RMND5B: variants seen among roughly 807,000 people sequenced by gnomAD.
The protein encoded by RMND5B is required for meiotic nuclear division 5 homolog B, also known as E3 ubiquitin-protein transferase RMND5B.
RMND5B carries 42 observed loss-of-function variants against 50.4 expected under a neutral mutation model. The observed-to-expected ratio is 0.83, with a 90% CI of 0.65 to 1.08. RMND5B has a LOEUF of 1.08. Ranked by LOEUF, RMND5B falls within the 50% of genes least tolerant of loss-of-function variation. The pLI, the probability that RMND5B is intolerant of heterozygous loss-of-function variation, is 0.00. For synonymous variants in RMND5B, 220 were observed against 210.0 expected (o/e 1.05, Z -0.41); for missense variants, 463 against 508.5 (o/e 0.91, Z 0.86).
intron 8 of RMND5B, 94 bp downstream of exon 8, chr5:178,146,373 G>A (rs1198110329): frequency 2.2e-5 from 27 of 1,229,824 alleles, no homozygotes; most frequent in East Asian, 4.9e-5. Flanking sequence ...AACAGTGCTC[G>A]GTGCTTTCAG....
At chr5:178,135,651 G>A (rs975487996) in intron 2 of RMND5B, among the ~76,000 whole-genome samples, 28 of 152,234 alleles carry the variant, frequency 1.8e-4, no homozygotes, top group African/African-American at 5.1e-4. Flanking sequence ...ATGCAATCCC[G>A]TACCCATCTC....
chr5:178,148,326 C>G lies in RMND5B; in HGVS notation c.*294C>G. The G allele has an allele frequency of 2.1e-6, 1 of 470,138 alleles. No individual in the cohort carries two copies. The highest frequency in any genetic ancestry group is 3.9e-6 in the Non-Finnish European group (1 of 255,306). The allele number at this position is 470,138 out of a possible 1,614,324, so 29.1% of individuals were successfully genotyped here. On this transcript the variant is annotated 3_prime_UTR_variant, in exon 11 of 11. Transcript: ENST00000313386. ...GACTTAGTAGCAACCGACAGAGTGG[C>G]AAGGGATTTGGTCTTCAGCAGTAGA...
intron 8 of RMND5B, 101 bp from the exon 9 acceptor site, chr5:178,147,432 T>G: frequency 1.2e-6 from 1 of 834,840 alleles, no homozygotes; most frequent in Admixed American, 2.4e-5. Context: ...TGCACCATTT[T>G]AGAGCCCTGT....
intron 3 of RMND5B, among the ~76,000 whole-genome samples, chr5:178,140,753 C>G (rs1025778480): frequency 1.3e-5 from 2 of 151,656 alleles, no homozygotes; most frequent in Admixed American, 6.6e-5. Flanking sequence ...TCGCTTGAAC[C>G]CAGGAGGTGG....
At chr5:178,145,904 A>G in intron 7 of RMND5B, 1 of 556,456 alleles carries the variant, frequency 1.8e-6, no homozygotes. Context: ...GCCTGTTCTC[A>G]TCCTGCAGAA....
intron 5 of RMND5B, 22 bp from the exon 6 acceptor site, chr5:178,143,605 T>C (rs1257250823): frequency 1.3e-6 from 2 of 1,560,654 alleles, no homozygotes; most frequent in East Asian, 4.5e-5. Context: ...AGTGGTGGGA[T>C]CTCTTCTCTC....
rs566022032 is a variant in RMND5B, at chr5:178,137,671, C to A, written c.-12-437C>A. On this transcript the variant is annotated intron_variant, in intron 2 of 10. Coordinates refer to ENST00000313386, the MANE Select transcript of RMND5B (RefSeq NM_022762.5). This position sits in a 1 kb window ranked among gnomAD's most constrained non-coding sequence, Gnocchi z 4.4. ...TGCCACTGCACTCTAGCCAGGGCAA[C>A]AGAACAAGAGCCTGTCTCAAAAAAA... Among the ~76,000 whole-genome samples, 205 of 152,182 alleles carry A rather than the reference C, an allele frequency of 1.3e-3. No individual in the cohort carries two copies. Among genetic ancestry groups the A allele is most frequent in the African/African-American group, 4.7e-3 (197 of 41,508 alleles).
Position 178,150,227 on chromosome 5 carries a change from C to G in RMND5B, c.*2195C>G. 4.6e-6 allele frequency: 1 copy of G among 219,320 alleles called. No individual in the cohort carries two copies. Among genetic ancestry groups the G allele is most frequent in the Admixed American group, 5.2e-5 (1 of 19,122 alleles). The allele number at this position is 219,320 out of a possible 1,614,324, so 13.6% of individuals were successfully genotyped here. On this transcript the variant is annotated 3_prime_UTR_variant, in exon 11 of 11. Transcript: ENST00000313386. ...GTGAAGCATCTTAGCTTACAAAGCT[C>G]TTTCACATACATCTATCTCTTTATT...
chr5:178,147,872 T>C lies in RMND5B; in HGVS notation c.1107T>C (p.Ile369=). ...CCCGAGATGCACTCAATAAGCTCAT[T>C]AATGGAGGAAAGTAAGTTCCCCGTG... ...VISRDALNKL[I]NGGKLKCPYC... The change falls in exon 10 of 11, where the codon ATT becomes ATC. Residue 369 remains isoleucine (I), a synonymous_variant. Coordinates refer to ENST00000313386, the MANE Select transcript of RMND5B (RefSeq NM_022762.5). 3 of 1,614,080 alleles carry C rather than the reference T, an allele frequency of 1.9e-6. 1 individual carries two copies. The highest frequency in any genetic ancestry group is 2.2e-5 in the South Asian group (2 of 91,070).
Position 178,150,413 on chromosome 5 carries a change from CTG to C in RMND5B, c.*2383_*2384del, listed in dbSNP as rs1756241106. The C allele has an allele frequency of 6.1e-5, 17 of 279,142 alleles. No homozygotes were observed. The South Asian group carries it at 6.1e-4, about 10-fold the overall frequency. The allele number at this position is 279,142 out of a possible 1,614,324, so 17.3% of individuals were successfully genotyped here. A position where few individuals can be genotyped will look rare whatever the true frequency, so the allele number is the denominator to read the frequency against. ...TTTTTTTTTGAGACAGGGCCTCACT[CTG>C]TCATGCAGTCTGGAGTGTGGTGGTG... On this transcript the variant is annotated 3_prime_UTR_variant, in exon 11 of 11. Coordinates refer to ENST00000313386, the MANE Select transcript of RMND5B (RefSeq NM_022762.5).
intron 5 of RMND5B, 39 bp from the exon 6 acceptor site, chr5:178,143,588 A>G (rs772599519): frequency 1.4e-6 from 2 of 1,470,774 alleles, no homozygotes; most frequent in Admixed American, 1.7e-5. Context: ...TGGAAACACC[A>G]TCTTCCAGTG....
At chr5:178,134,688 C>T (rs1433291536) in intron 2 of RMND5B, among the ~76,000 whole-genome samples, 1 of 152,044 alleles carries the variant, frequency 6.6e-6, no homozygotes, top group Non-Finnish European at 1.5e-5. Flanking sequence ...AAAATTTGGC[C>T]AGGTGATTTG....
rs561948156 is a variant in RMND5B, at chr5:178,149,836, G to A, written c.*1804G>A. The A allele has an allele frequency of 1.1e-5, 18 of 1,613,584 alleles. No individual in the cohort carries two copies. The highest frequency in any genetic ancestry group is 6.6e-5 in the South Asian group (6 of 90,998). ...GCTTGGAGCCTGCGGCTGCACCCAG[G>A]TCCTACAGAGGGGAAAGAAGTGCTG... is the stretch of plus-strand genomic sequence containing the variant. On this transcript the variant is annotated 3_prime_UTR_variant, in exon 11 of 11. Transcript: ENST00000313386.
At chr5:178,139,585 C>T (rs1278328353) in intron 3 of RMND5B, among the ~76,000 whole-genome samples, 1 of 147,382 alleles carries the variant, frequency 6.8e-6, no homozygotes, top group African/African-American at 2.5e-5. Context: ...CTCTCATTGC[C>T]CAGGCTGGAG....
rs745572548 is a variant in RMND5B at position 178,147,906 on chromosome 5, C to T, written c.1118+23C>T. ...AAAGTAAGTTCCCCGTGCTCTACTC[C>T]ACCTTGGCTTGGCTCTCCTACTGGC... is the stretch of plus-strand genomic sequence containing the variant. On this transcript the variant is annotated intron_variant, in intron 10 of 10. Coordinates refer to ENST00000313386, the MANE Select transcript of RMND5B (RefSeq NM_022762.5). 1.5e-5 allele frequency: 24 copies of T among 1,614,130 alleles called. 1 individual carries two copies. Among genetic ancestry groups the T allele is most frequent in the Middle Eastern group, 1.6e-4 (1 of 6,062 alleles).
chr5:178,150,138 T>G lies in RMND5B; in HGVS notation c.*2106T>G. On this transcript the variant is annotated 3_prime_UTR_variant, in exon 11 of 11. Transcript: ENST00000313386. ...CCTGTGCCTCAGATCTGGCCCCTGT[T>G]ACGTAAGATAAGGACAGCTACAGGT... 1 of 303,450 alleles carries G rather than the reference T, an allele frequency of 3.3e-6. No homozygotes were observed. The highest frequency in any genetic ancestry group is 3.8e-5 in the South Asian group (1 of 26,490). The allele number at this position is 303,450 out of a possible 1,614,324, so 18.8% of individuals were successfully genotyped here.
At chr5:178,141,030 T>C (rs997488956) in intron 3 of RMND5B, among the ~76,000 whole-genome samples, 3 of 152,232 alleles carry the variant, frequency 2.0e-5, no homozygotes, top group African/African-American at 7.2e-5. Context: ...GAAAAGAAGC[T>C]TTCCCTTCTC....
Position 178,148,384 on chromosome 5 carries a change from TTGC to T in RMND5B, c.*356_*358del, listed in dbSNP as rs1756158244. The T allele has an allele frequency of 2.7e-6, 1 of 367,128 alleles. No individual in the cohort carries two copies. The highest frequency in any genetic ancestry group is 4.1e-5 in the Admixed American group (1 of 24,218). 22.7% of individuals were successfully genotyped at this position (367,128 alleles called of 1,614,324 possible). A position where few individuals can be genotyped will look rare whatever the true frequency, so the allele number is the denominator to read the frequency against. On this transcript the variant is annotated 3_prime_UTR_variant, in exon 11 of 11. Transcript: ENST00000313386. ...CCACCCCTGCCCTCAGCCAAGTCTC[TTGC>T]TGCCATGCCAATGCTATGTCCACCC...
In RMND5B at chr5:178,148,453, T is replaced by G; in HGVS notation, c.*421T>G. On this transcript the variant is annotated 3_prime_UTR_variant, in exon 11 of 11. Coordinates refer to ENST00000313386, the MANE Select transcript of RMND5B (RefSeq NM_022762.5). ...AGAGTGTCCAGCGGTGGCCCACCTC[T>G]TCCTCCCACTACAGCCTCAACAGTA... 1 of 256,958 alleles carries G rather than the reference T, an allele frequency of 3.9e-6. No individual in the cohort carries two copies. Among genetic ancestry groups the G allele is most frequent in the Non-Finnish European group, 7.6e-6 (1 of 130,786 alleles). 15.9% of individuals were successfully genotyped at this position (256,958 alleles called of 1,614,324 possible). A position where few individuals can be genotyped will look rare whatever the true frequency, so the allele number is the denominator to read the frequency against.
Sources: allele counts gnomAD v4.1 joint callset (sites outside exome capture counted in the v4.1 genomes callset), GRCh38; gene constraint gnomAD v4.1.1; non-coding constraint Gnocchi (gnomAD v3.1); transcripts MANE v1.5; gene names NCBI Gene and HGNC (gene_info 2026-07-23, HGNC 2026-07-21).